The following GRIK1 variants were observed in gnomAD, a reference collection of about 807,000 sequenced individuals.
GRIK1 encodes glutamate receptor ionotropic, kainate 1.
Under a neutral mutation model 105.7 loss-of-function variants are expected in GRIK1, and 69 were observed. The observed-to-expected ratio is 0.65, with a 90% confidence interval of 0.54 to 0.80. The LOEUF (loss-of-function observed/expected upper bound fraction) is 0.80, where lower values mean the gene tolerates loss of function less well. Ranked by LOEUF, GRIK1 falls within the 30% of genes least tolerant of loss-of-function variation. GRIK1 has a pLI of 0.00. For missense variants in GRIK1, 1,109 were observed against 1,167.3 expected, an observed-to-expected ratio of 0.95 and a Z score of 0.73; for synonymous variants, 438 against 431.3, an observed-to-expected ratio of 1.02 and a Z score of -0.19.
At chr21:29,779,761 G>A (rs923867110) in intron 1 of GRIK1, among the ~76,000 whole-genome samples, 2 of 152,126 alleles carry the variant, frequency 1.3e-5, no homozygotes, top group African/African-American at 4.8e-5. Context: ...AATTTACTAT[G>A]TGATAATATC....
chr21:29,582,840 G>A (rs1043252367), intron 12 of GRIK1, among the ~76,000 whole-genome samples: 2 of 152,138 alleles, frequency 1.3e-5, no homozygotes, highest in Non-Finnish European at 2.9e-5. Context: ...TAAAGCCCAT[G>A]AGAACACAGA....
At chr21:29,686,562 C>T (rs1402520339) in intron 3 of GRIK1, among the ~76,000 whole-genome samples, 1 of 152,184 alleles carries the variant, frequency 6.6e-6, no homozygotes. Flanking sequence ...GAAATAGGGC[C>T]AAAAGGCCAA....
chr21:29,590,320 G>T (rs1385951056), intron 10 of GRIK1, among the ~76,000 whole-genome samples: 1 of 152,162 alleles, frequency 6.6e-6, no homozygotes, highest in African/African-American at 2.4e-5. Context: ...ATTATGGACT[G>T]GTGTAAGGCA....
chr21:29,718,003 A>G (rs998071638), intron 1 of GRIK1, among the ~76,000 whole-genome samples: 7 of 152,042 alleles, frequency 4.6e-5, no homozygotes, highest in African/African-American at 9.7e-5. Context: ...ACAAGATCTG[A>G]TGGTTTTATA....
At chr21:29,880,417 A>G (rs2069363613) in intron 1 of GRIK1, among the ~76,000 whole-genome samples, 1 of 152,116 alleles carries the variant, frequency 6.6e-6, no homozygotes, top group Non-Finnish European at 1.5e-5. Context: ...ATGATCAGAG[A>G]ATCTTATTAC....
intron 1 of GRIK1, among the ~76,000 whole-genome samples, chr21:29,699,005 C>T (rs1004604353): frequency 2.0e-5 from 3 of 152,196 alleles, no homozygotes; most frequent in Admixed American, 6.5e-5. Context: ...ATTGCTCCCA[C>T]TGTACTTTTC....
At chr21:29,598,413 G>A (rs1490193917) in intron 8 of GRIK1, among the ~76,000 whole-genome samples, 1 of 152,096 alleles carries the variant, frequency 6.6e-6, no homozygotes, top group Non-Finnish European at 1.5e-5. Context: ...ATCTCAAAAT[G>A]GAATAAAATG....
intron 1 of GRIK1, among the ~76,000 whole-genome samples, chr21:29,855,330 A>G (rs1315744894): frequency 6.6e-6 from 1 of 152,242 alleles, no homozygotes; most frequent in Non-Finnish European, 1.5e-5. Flanking sequence ...AAATACAGGA[A>G]GTACTACACA....
chr21:29,731,074 TAGA>T (rs1424675601), intron 1 of GRIK1, among the ~76,000 whole-genome samples: 1 of 152,192 alleles, frequency 6.6e-6, no homozygotes, highest in Non-Finnish European at 1.5e-5. Context: ...AAAAAGAAGT[TAGA>T]AGGAGGCAAA....
At position 29,689,841 on chromosome 21, in the gene GRIK1, T is replaced by A; in HGVS notation, c.431A>T (p.Asp144Val). 6.2e-7 allele frequency: 1 copy of A among 1,613,932 alleles called. No individual in the cohort carries two copies. Residue 144 changes from aspartate to valine, a missense_variant, in exon 3 of 18, where the codon GAT becomes GTT. Around this residue, in one of 5 missense-constraint regions of GRIK1, gnomAD observed 612 missense variants for 586.0 expected, o/e 1.04. Coordinates refer to ENST00000327783, the MANE Select transcript of GRIK1 (RefSeq NM_001330994.2). ...TGGGTAAAGGTTGATGTAAAACAAA[T>A]CTTTGTTGTCCACCGAGGGGTGTTT... ...RWKHPSVDNK[D>V]LFYINLYPDY... is the part of the protein sequence containing the mutation.
intron 1 of GRIK1, among the ~76,000 whole-genome samples, chr21:29,786,901 AG>A (rs1020045045): frequency 4.3e-4 from 66 of 152,332 alleles, no homozygotes; most frequent in African/African-American, 1.4e-3. Flanking sequence ...ATTGATGGAT[AG>A]CCTTGCTTTG....
chr21:29,598,396 G>C (rs1210353784), intron 8 of GRIK1, among the ~76,000 whole-genome samples: 7 of 152,100 alleles, frequency 4.6e-5, no homozygotes, highest in Admixed American at 4.6e-4. Flanking sequence ...TATTCTGTCT[G>C]TCACCAATCT....
intron 1 of GRIK1, among the ~76,000 whole-genome samples, chr21:29,913,101 C>A (rs2070875073): frequency 6.6e-6 from 1 of 152,030 alleles, no homozygotes; most frequent in Non-Finnish European, 1.5e-5. Context: ...TTTTTCCTGT[C>A]CTTTCAACAT....
chr21:29,637,077 G>A (rs2062411357), intron 7 of GRIK1, among the ~76,000 whole-genome samples: 1 of 152,114 alleles, frequency 6.6e-6, no homozygotes, highest in Non-Finnish European at 1.5e-5. Context: ...GGAAGCCAGG[G>A]TGTCTTTAAG....
At chr21:29,922,004 T>C (rs2071209457) in intron 1 of GRIK1, among the ~76,000 whole-genome samples, 1 of 152,124 alleles carries the variant, frequency 6.6e-6, no homozygotes, top group Non-Finnish European at 1.5e-5. Context: ...GTTTTGTAAA[T>C]AAAGGTAGAT....
At chr21:29,873,950 G>A (rs568368540) in intron 1 of GRIK1, among the ~76,000 whole-genome samples, 1 of 152,240 alleles carries the variant, frequency 6.6e-6, no homozygotes, top group African/African-American at 2.4e-5. Context: ...TTAGATTCTC[G>A]TGAGGGGCGC....
intron 14 of GRIK1, among the ~76,000 whole-genome samples, chr21:29,572,611 C>T (rs972389255): frequency 1.3e-5 from 2 of 152,208 alleles, no homozygotes; most frequent in African/African-American, 4.8e-5. Context: ...CGAGTTTCTA[C>T]TCTCATGGAA....
intron 13 of GRIK1, among the ~76,000 whole-genome samples, chr21:29,579,206 A>G (rs1178975377): frequency 1.3e-5 from 2 of 152,206 alleles, no homozygotes; most frequent in African/African-American, 2.4e-5. Context: ...TACATTTTAA[A>G]CCCTTGTTAG....
intron 1 of GRIK1, among the ~76,000 whole-genome samples, chr21:29,716,297 G>T (rs1203021500): frequency 6.6e-6 from 1 of 152,168 alleles, no homozygotes; most frequent in East Asian, 1.9e-4. Context: ...GTGGGGTGCT[G>T]CTATAAAGAT....
Sources: allele counts gnomAD v4.1 joint callset (sites outside exome capture counted in the v4.1 genomes callset), GRCh38; gene constraint gnomAD v4.1.1; regional missense constraint gnomAD v4.1.1; transcripts MANE v1.5; gene names NCBI Gene and HGNC (gene_info 2026-07-23, HGNC 2026-07-21).